The following RORB variants were observed in gnomAD, a reference collection of about 807,000 sequenced individuals.
RORB encodes nuclear receptor ROR-beta.
In RORB, 6 loss-of-function variants were observed where a neutral mutation model predicts 59.1. That is an observed-to-expected ratio of 0.10 (90% CI 0.06 to 0.20). RORB has a LOEUF of 0.20. RORB is among the 10% of genes least tolerant of loss of function. The pLI, the probability that RORB is intolerant of heterozygous loss-of-function variation, is 1.00. For missense variants in RORB, 320 were observed against 560.5 expected (o/e 0.57, Z 4.33); for synonymous variants, 215 against 204.5 (o/e 1.05, Z -0.44).
At chr9:74,680,261 G>T (rs1402217648) in intron 9 of RORB, among the ~76,000 whole-genome samples, 1 of 152,148 alleles carries the variant, frequency 6.6e-6, no homozygotes, top group Non-Finnish European at 1.5e-5. Context: ...GAAAGTACTG[G>T]AACTACGAAT....
chr9:74,642,796 G>C lies in RORB; in HGVS notation c.618G>C (p.Gly206=). The part of the protein sequence containing the change: ...SSFNNGQLAP[G]ITMTEIDRIA... ...TCAACAATGGGCAGTTAGCACCAGGGATAACCATGACTGAAATCGGTAAGT... is the reference window on the plus strand; with the variant it reads ...TCAACAATGGGCAGTTAGCACCAGGCATAACCATGACTGAAATCGGTAAGT... The change falls in exon 4 of 10, where the codon GGG becomes GGC. Residue 206 remains glycine, a synonymous_variant. Transcript: ENST00000376896. 1 of 1,595,280 alleles carries C rather than the reference G, an allele frequency of 6.3e-7. No individual in the cohort carries two copies. Among genetic ancestry groups the C allele is most frequent in the Non-Finnish European group, 8.6e-7 (1 of 1,167,496 alleles).
rs934040265 is a variant in RORB at position 74,642,347 on chromosome 9, T to G, written c.236-67T>G. On this transcript the variant is annotated intron_variant, in intron 3 of 9. Transcript: ENST00000376896. ...AAGGGACAACCATCCCATGACCCGT[T>G]GTACCTGAGGTGGTTAACGCGAATG... The G allele has an allele frequency of 8.1e-6, 12 of 1,482,528 alleles. No individual in the cohort carries two copies. The South Asian group carries it at 1.6e-4, about 20-fold the overall frequency. The allele number at this position is 1,482,528 out of a possible 1,614,324, so 91.8% of individuals were successfully genotyped here. A position where few individuals can be genotyped will look rare whatever the true frequency, so the allele number is the denominator to read the frequency against.
At chr9:74,552,653 T>A (rs1826630230) in intron 1 of RORB, among the ~76,000 whole-genome samples, 1 of 152,016 alleles carries the variant, frequency 6.6e-6, no homozygotes, top group Admixed American at 6.6e-5. Context: ...GATATCATGT[T>A]TATAATATCA....
intron 1 of RORB, among the ~76,000 whole-genome samples, chr9:74,517,891 G>C (rs1289754762): frequency 6.6e-6 from 1 of 152,016 alleles, no homozygotes; most frequent in African/African-American, 2.4e-5. Context: ...TACTTCATGT[G>C]AATTACCTCA....
intron 1 of RORB, among the ~76,000 whole-genome samples, chr9:74,610,976 A>T (rs978485485): frequency 6.6e-6 from 1 of 152,150 alleles, no homozygotes; most frequent in Non-Finnish European, 1.5e-5. Flanking sequence ...CTATAAAATC[A>T]AGCTATTTTT....
At chr9:74,524,740 A>G (rs1479904609) in intron 1 of RORB, among the ~76,000 whole-genome samples, 1 of 151,954 alleles carries the variant, frequency 6.6e-6, no homozygotes, top group Non-Finnish European at 1.5e-5. Flanking sequence ...TCAAAAAATT[A>G]TAATATTTGT....
chr9:74,659,640 GC>G (rs1824148404), intron 4 of RORB, among the ~76,000 whole-genome samples: 2 of 152,130 alleles, frequency 1.3e-5, no homozygotes, highest in South Asian at 4.2e-4. Flanking sequence ...ACAGGCGTGT[GC>G]CACCACACCT....
rs1822327222 is a variant in RORB, at chr9:74,557,627, G to T, written c.7+59644G>T. 2.0e-5 allele frequency among the ~76,000 whole-genome samples: 3 copies of T among 152,104 alleles called. No homozygotes were observed. In the South Asian group the frequency reaches 6.2e-4, roughly 32 times the overall value. The stretch of plus-strand genomic sequence containing the variant: ...TACTTATGATTTGGACTAAGGAAAT[G>T]GTTTTGCTTTTACAGAAGATCCCAC... On this transcript the variant is annotated intron_variant, in intron 1 of 9. Transcript: ENST00000376896.
intron 1 of RORB, among the ~76,000 whole-genome samples, chr9:74,583,264 C>A (rs181080246): frequency 6.6e-6 from 1 of 152,052 alleles, no homozygotes. Context: ...AGAAGAACTG[C>A]CACGTACCCA....
At chr9:74,512,258 T>C (rs930975604) in intron 1 of RORB, among the ~76,000 whole-genome samples, 1 of 152,174 alleles carries the variant, frequency 6.6e-6, no homozygotes, top group Non-Finnish European at 1.5e-5. Flanking sequence ...CCTAAGGATG[T>C]TAAAGAATAT....
intron 1 of RORB, among the ~76,000 whole-genome samples, chr9:74,523,573 T>A (rs1213169767): frequency 2.0e-5 from 3 of 151,934 alleles, no homozygotes; most frequent in African/African-American, 4.8e-5. Context: ...ATTGTACATA[T>A]ATGAACAATT....
intron 1 of RORB, among the ~76,000 whole-genome samples, chr9:74,555,993 T>C (rs972514542): frequency 7.2e-5 from 11 of 152,224 alleles, no homozygotes. Context: ...TCATAAAATA[T>C]CGATGGTTCT....
intron 1 of RORB, among the ~76,000 whole-genome samples, chr9:74,598,882 G>A (rs538254959): frequency 2.0e-5 from 3 of 152,282 alleles, no homozygotes; most frequent in African/African-American, 7.2e-5. Context: ...CATAACAGCA[G>A]AGAAGGTCAA....
chr9:74,508,274 C>A (rs1342231244), intron 1 of RORB, among the ~76,000 whole-genome samples: 2 of 151,936 alleles, frequency 1.3e-5, no homozygotes, highest in African/African-American at 4.8e-5. Context: ...AGCATTAATA[C>A]CCTTCCAGTT....
At chr9:74,628,698 AG>A (rs983692770) in intron 1 of RORB, among the ~76,000 whole-genome samples, 1 of 152,246 alleles carries the variant, frequency 6.6e-6, no homozygotes, top group African/African-American at 2.4e-5. Context: ...ACTGTAGAAA[AG>A]CATCCAAGTG....
intron 1 of RORB, among the ~76,000 whole-genome samples, chr9:74,578,129 C>G (rs1368821380): frequency 6.6e-6 from 1 of 151,900 alleles, no homozygotes; most frequent in Non-Finnish European, 1.5e-5. Flanking sequence ...AACACTGCCT[C>G]CTTATTGGGC....
chr9:74,583,422 T>C (rs924583216), intron 1 of RORB, among the ~76,000 whole-genome samples: 9 of 151,954 alleles, frequency 5.9e-5, no homozygotes, highest in South Asian at 2.1e-4. Flanking sequence ...TTAAGGATGG[T>C]TTATATTTCC....
chr9:74,660,065 T>C (rs1163309865), intron 4 of RORB, among the ~76,000 whole-genome samples: 1 of 152,160 alleles, frequency 6.6e-6, no homozygotes, highest in Non-Finnish European at 1.5e-5. Context: ...AAGTCAAATC[T>C]ACAAAAATAG....
intron 1 of RORB, among the ~76,000 whole-genome samples, chr9:74,594,290 C>T (rs1353168382): frequency 2.6e-5 from 4 of 152,164 alleles, no homozygotes; most frequent in African/African-American, 7.2e-5. Context: ...TAGCACTGCC[C>T]ATGATGCATC....
Sources: allele counts gnomAD v4.1 joint callset (sites outside exome capture counted in the v4.1 genomes callset), GRCh38; gene constraint gnomAD v4.1.1; transcripts MANE v1.5; gene names NCBI Gene and HGNC (gene_info 2026-07-23, HGNC 2026-07-21).